The following GSK3B variants were observed in gnomAD, a reference collection of about 807,000 sequenced individuals.
GSK3B encodes the protein glycogen synthase kinase 3 beta, also known as glycogen synthase kinase-3 beta.
GSK3B carries 15 observed loss-of-function variants against 56.4 expected under a neutral mutation model. The observed-to-expected ratio is 0.27, with a 90% CI of 0.18 to 0.41. The LOEUF (loss-of-function observed/expected upper bound fraction) is 0.41. Ranked by LOEUF, GSK3B falls within the 10% of genes least tolerant of loss-of-function variation. The pLI is 1.00. For synonymous variants in GSK3B, 181 were observed against 188.9 expected, an observed-to-expected ratio of 0.96 and a Z score of 0.34; for missense variants, 300 against 513.4, an observed-to-expected ratio of 0.58 and a Z score of 4.02.
chr3:120,037,175 T>G (rs1227964020), intron 1 of GSK3B, among the ~76,000 whole-genome samples: 1 of 152,254 alleles, frequency 6.6e-6, no homozygotes, highest in African/African-American at 2.4e-5. Flanking sequence ...GCTATTTTAC[T>G]CAAGGTATTG....
chr3:119,951,004 A>T (rs2057151345), intron 2 of GSK3B, among the ~76,000 whole-genome samples: 1 of 152,208 alleles, frequency 6.6e-6, no homozygotes, highest in South Asian at 2.1e-4. Context: ...AGAAAGGGGA[A>T]AGGCCCATAG....
At chr3:119,832,683 C>T (rs2055621957) in intron 10 of GSK3B, among the ~76,000 whole-genome samples, 1 of 152,168 alleles carries the variant, frequency 6.6e-6, no homozygotes, top group African/African-American at 2.4e-5. Flanking sequence ...CAATTGTTTT[C>T]TGAAAAGTCT....
At chr3:119,862,268 G>A (rs1284063115) in intron 9 of GSK3B, among the ~76,000 whole-genome samples, 3 of 138,142 alleles carry the variant, frequency 2.2e-5, no homozygotes, top group Non-Finnish European at 4.6e-5. Context: ...GTAAACTATC[G>A]CAAGAACAAA....
intron 1 of GSK3B, among the ~76,000 whole-genome samples, chr3:120,045,843 T>C (rs2058098302): frequency 6.6e-6 from 1 of 152,144 alleles, no homozygotes; most frequent in Admixed American, 6.5e-5. Flanking sequence ...TGTCTTTCAA[T>C]AGGTAAGCAG....
intron 2 of GSK3B, among the ~76,000 whole-genome samples, chr3:119,974,198 A>G (rs1314472716): frequency 6.6e-6 from 1 of 152,240 alleles, no homozygotes; most frequent in Non-Finnish European, 1.5e-5. Flanking sequence ...CAAAATACGT[A>G]TCTGATAAAT....
chr3:119,972,254 T>C (rs757676825), intron 2 of GSK3B, among the ~76,000 whole-genome samples: 5 of 152,096 alleles, frequency 3.3e-5, no homozygotes, highest in Non-Finnish European at 5.9e-5. Flanking sequence ...AGGTATAAGA[T>C]AGGCATCATA....
At chr3:119,946,958 G>A (rs1303049104) in intron 3 of GSK3B, among the ~76,000 whole-genome samples, 3 of 151,808 alleles carry the variant, frequency 2.0e-5, no homozygotes, top group Non-Finnish European at 4.4e-5. Flanking sequence ...CTATCAGAGG[G>A]CTGCGTAAGC....
Position 119,946,522 on chromosome 3 carries a change from A to T in GSK3B, c.366+746T>A, listed in dbSNP as rs138149337. The stretch of plus-strand genomic sequence containing the variant: ...AAAGTCATATTTATTTAGCCAAAAG[A>T]ATCAAGTGATTTGTTACCTGCCCTG... On this transcript the variant is annotated intron_variant, in intron 3 of 10. Transcript: ENST00000264235. Among the ~76,000 whole-genome samples, 194 of 152,288 alleles carry T rather than the reference A, an allele frequency of 1.3e-3. 7 individuals are homozygous for T. The East Asian group carries it at 0.02, about 16-fold the overall frequency.
At chr3:120,042,301 C>T (rs573730949) in intron 1 of GSK3B, among the ~76,000 whole-genome samples, 1 of 152,030 alleles carries the variant, frequency 6.6e-6, no homozygotes, top group Non-Finnish European at 1.5e-5. Context: ...AAAGAGAGCT[C>T]AGAATAAAAA....
intron 1 of GSK3B, among the ~76,000 whole-genome samples, chr3:120,048,184 G>A (rs192414615): frequency 6.6e-6 from 1 of 152,236 alleles, no homozygotes; most frequent in Admixed American, 6.5e-5. Flanking sequence ...CAACTTATAG[G>A]AAAAGATAAA....
chr3:119,953,229 G>A (rs763539060), intron 2 of GSK3B, among the ~76,000 whole-genome samples: 3 of 151,954 alleles, frequency 2.0e-5, no homozygotes, highest in East Asian at 1.9e-4. Context: ...GACTTAAGAC[G>A]ATACACTAAA....
At chr3:119,927,013 A>C (rs1242759266) in intron 3 of GSK3B, among the ~76,000 whole-genome samples, 1 of 152,158 alleles carries the variant, frequency 6.6e-6, no homozygotes, top group Non-Finnish European at 1.5e-5. Flanking sequence ...TGACTAGACA[A>C]GGCTCCATGA....
chr3:120,063,931 G>C (rs1024271390), intron 1 of GSK3B, among the ~76,000 whole-genome samples: 2 of 151,944 alleles, frequency 1.3e-5, no homozygotes, highest in African/African-American at 4.8e-5. Flanking sequence ...AGGTCACAGT[G>C]AGCCGATATT....
intron 7 of GSK3B, among the ~76,000 whole-genome samples, chr3:119,896,428 T>A (rs1297347852): frequency 6.6e-5 from 10 of 151,880 alleles, no homozygotes; most frequent in Non-Finnish European, 1.5e-4. Flanking sequence ...TAAAAAAAAA[T>A]ACATGTAAAA....
chr3:119,977,292 T>C (rs1174853430), intron 2 of GSK3B, among the ~76,000 whole-genome samples: 4 of 152,180 alleles, frequency 2.6e-5, no homozygotes, highest in Admixed American at 6.5e-5. Flanking sequence ...CCTCTCAGGT[T>C]TCCCACTGCA....
At chr3:120,010,788 C>T (rs2107497318) in intron 1 of GSK3B, among the ~76,000 whole-genome samples, 1 of 150,782 alleles carries the variant, frequency 6.6e-6, no homozygotes, top group South Asian at 2.1e-4. Flanking sequence ...AAATAAATGG[C>T]CAGGCATGGT....
At chr3:120,024,615 C>A (rs2057908312) in intron 1 of GSK3B, among the ~76,000 whole-genome samples, 1 of 152,166 alleles carries the variant, frequency 6.6e-6, no homozygotes, top group African/African-American at 2.4e-5. Flanking sequence ...ACAACAAACT[C>A]CCTACCTCAT....
intron 2 of GSK3B, among the ~76,000 whole-genome samples, chr3:120,000,266 A>T (rs2057662870): frequency 6.6e-6 from 1 of 152,254 alleles, no homozygotes; most frequent in Non-Finnish European, 1.5e-5. Flanking sequence ...GGGAACTAGC[A>T]GGAGAGATTT....
chr3:119,927,241 A>C (rs575536121), intron 3 of GSK3B, among the ~76,000 whole-genome samples: 89 of 152,336 alleles, frequency 5.8e-4, no homozygotes, highest in African/African-American at 2.1e-3. Context: ...TATATCAATA[A>C]AGCTTGAAGA....
Sources: allele counts gnomAD v4.1 joint callset (sites outside exome capture counted in the v4.1 genomes callset), GRCh38; gene constraint gnomAD v4.1.1; transcripts MANE v1.5; gene names NCBI Gene and HGNC (gene_info 2026-07-23, HGNC 2026-07-21).